Variants in PRKCB observed in about 807,000 individuals in gnomAD.
PRKCB encodes protein kinase C beta type.
Under a neutral mutation model 81.5 loss-of-function variants are expected in PRKCB, and 13 were observed. The observed-to-expected ratio is 0.16, with a 90% CI of 0.10 to 0.25. The LOEUF (loss-of-function observed/expected upper bound fraction) is 0.25, where lower values mean the gene tolerates loss of function less well. Ranked by LOEUF, PRKCB falls within the 10% of genes least tolerant of loss-of-function variation. The pLI is 1.00. For synonymous variants in PRKCB, 335 were observed against 321.4 expected (o/e 1.04, Z -0.45); for missense variants, 509 against 875.7 (o/e 0.58, Z 5.29).
At chr16:24,169,617 C>A (rs765302157) in intron 10 of PRKCB, among the ~76,000 whole-genome samples, 6 of 152,142 alleles carry the variant, frequency 3.9e-5, no homozygotes, top group Non-Finnish European at 7.3e-5. Context: ...CAAGTCTTTG[C>A]TGAAGGATCG....
chr16:24,023,251 C>T (rs1965430031), intron 3 of PRKCB, among the ~76,000 whole-genome samples: 1 of 152,200 alleles, frequency 6.6e-6, no homozygotes, highest in African/African-American at 2.4e-5. Context: ...GAACCAAACC[C>T]CATAGAGGGA....
intron 2 of PRKCB, among the ~76,000 whole-genome samples, chr16:23,926,587 T>C (rs1223412104): frequency 6.6e-6 from 1 of 151,422 alleles, no homozygotes; most frequent in East Asian, 1.9e-4. Flanking sequence ...TAGATATACA[T>C]ACATATACCA....
At chr16:23,914,800 T>G (rs1417720419) in intron 2 of PRKCB, among the ~76,000 whole-genome samples, 2 of 152,174 alleles carry the variant, frequency 1.3e-5, no homozygotes, top group East Asian at 3.9e-4. Context: ...TAGTGTCTTC[T>G]TCATGGGCCA....
At chr16:24,022,354 G>T (rs1003072928) in intron 3 of PRKCB, among the ~76,000 whole-genome samples, 1 of 152,062 alleles carries the variant, frequency 6.6e-6, no homozygotes, top group African/African-American at 2.4e-5. Context: ...GAAGAGTGGG[G>T]ACTGTGGAAA....
intron 16 of PRKCB, among the ~76,000 whole-genome samples, chr16:24,207,080 G>A (rs1968057578): frequency 6.6e-6 from 1 of 152,154 alleles, no homozygotes; most frequent in South Asian, 2.1e-4. Context: ...ACAGGCATGT[G>A]GCGTCATGCC....
At chr16:23,865,526 T>G (rs1435302090) in intron 2 of PRKCB, among the ~76,000 whole-genome samples, 1 of 4,032 alleles carries the variant, frequency 2.5e-4, no homozygotes, top group Non-Finnish European at 4.8e-4. Flanking sequence ...TATGTGTGTG[T>G]GTGTGTGTGT....
chr16:24,204,258 G>A (rs1001215370), intron 16 of PRKCB, among the ~76,000 whole-genome samples: 2 of 152,090 alleles, frequency 1.3e-5, no homozygotes, highest in Non-Finnish European at 2.9e-5. Context: ...GGAATTGTTG[G>A]AGCCAGGATT....
chr16:23,882,006 CTTTCTTT>C (rs1963120761), intron 2 of PRKCB, among the ~76,000 whole-genome samples: 3 of 101,442 alleles, frequency 3.0e-5, no homozygotes, highest in African/African-American at 1.1e-4. Flanking sequence ...TTCTTTCTTT[CTTTCTTT>C]CTTTCTTTCT....
intron 3 of PRKCB, among the ~76,000 whole-genome samples, chr16:24,011,623 C>T (rs111746132): frequency 0.024 from 3,645 of 152,260 alleles, 59 homozygotes; most frequent in Non-Finnish European, 0.034. Flanking sequence ...ATCAAGTGAT[C>T]CTCCCACCTC....
intron 12 of PRKCB, among the ~76,000 whole-genome samples, chr16:24,179,798 A>G (rs929852889): frequency 2.0e-5 from 3 of 152,174 alleles, no homozygotes. Flanking sequence ...CACTTATCAG[A>G]ATCTGTAATA....
At chr16:23,883,114 G>A (rs1488833578) in intron 2 of PRKCB, among the ~76,000 whole-genome samples, 4 of 152,072 alleles carry the variant, frequency 2.6e-5, no homozygotes, top group Admixed American at 6.5e-5. Flanking sequence ...CCTCCATGGA[G>A]CTGATATTCA....
At chr16:24,052,106 A>G (rs1965850654) in intron 5 of PRKCB, among the ~76,000 whole-genome samples, 1 of 151,720 alleles carries the variant, frequency 6.6e-6, no homozygotes, top group Non-Finnish European at 1.5e-5. Context: ...AAATTAATAG[A>G]CCTTAGACTA....
chr16:23,916,702 T>TCG (rs1168491577), intron 2 of PRKCB, among the ~76,000 whole-genome samples: 1 of 152,244 alleles, frequency 6.6e-6, no homozygotes, highest in Non-Finnish European at 1.5e-5. Context: ...TACCTTGCTT[T>TCG]CTTCACTTCA....
At chr16:24,090,797 A>G (rs1239265735) in intron 5 of PRKCB, among the ~76,000 whole-genome samples, 1 of 152,208 alleles carries the variant, frequency 6.6e-6, no homozygotes, top group Non-Finnish European at 1.5e-5. Context: ...CTGGGATAAT[A>G]GGCTCCAGAG....
Position 24,218,743 on chromosome 16 carries a change from G to A in PRKCB, c.*3927G>A, listed in dbSNP as rs1037348618. 5 of 985,420 alleles carry A rather than the reference G, an allele frequency of 5.1e-6. No individual in the cohort carries two copies. The Admixed American group carries it at 1.8e-4, about 36-fold the overall frequency. The allele number at this position is 985,420 out of a possible 1,614,324, so 61.0% of individuals were successfully genotyped here. On this transcript the variant is annotated 3_prime_UTR_variant, in exon 17 of 17. Coordinates refer to ENST00000643927, the MANE Select transcript of PRKCB (RefSeq NM_002738.7). Reference sequence around the variant, plus strand: ...GCTAATGAGTCAGTGAATCCTTACCGACCCCCTGGCCTTTATAATCTGAGG... The same window carrying A: ...GCTAATGAGTCAGTGAATCCTTACCAACCCCCTGGCCTTTATAATCTGAGG...
chr16:24,145,253 CTT>C (rs761664157), intron 9 of PRKCB, among the ~76,000 whole-genome samples: 7 of 152,130 alleles, frequency 4.6e-5, no homozygotes, highest in Non-Finnish European at 1.0e-4. Flanking sequence ...CATGAACAAA[CTT>C]AAGTTTCTAA....
chr16:23,997,993 G>A (rs1000743585), intron 3 of PRKCB, among the ~76,000 whole-genome samples: 4 of 152,192 alleles, frequency 2.6e-5, no homozygotes, highest in African/African-American at 4.8e-5. Flanking sequence ...ATGTCTGTGA[G>A]GGTGTTTTCA....
chr16:24,124,913 G>A (rs948275304), intron 9 of PRKCB, among the ~76,000 whole-genome samples: 3 of 152,126 alleles, frequency 2.0e-5, no homozygotes, highest in Non-Finnish European at 2.9e-5. Context: ...TTCCTTCAAA[G>A]TATATCATGT....
intron 2 of PRKCB, among the ~76,000 whole-genome samples, chr16:23,905,141 C>G (rs941283719): frequency 1.3e-5 from 2 of 150,990 alleles, no homozygotes; most frequent in Non-Finnish European, 2.9e-5. Context: ...TTTAGAGAAG[C>G]AGCCGGCCCT....
Sources: gnomAD v4.1 joint callset for allele counts (sites outside exome capture counted in the v4.1 genomes callset) on GRCh38, gnomAD v4.1.1 for gene constraint, MANE v1.5 for transcripts, NCBI Gene and HGNC (gene_info 2026-07-23, HGNC 2026-07-21) for gene names.